The following KCNAB2 variants were observed in gnomAD, a reference collection of about 807,000 sequenced individuals.
KCNAB2 encodes voltage-gated potassium channel subunit beta-2.
In KCNAB2, 29 loss-of-function variants were observed where a neutral mutation model predicts 63.6. The observed-to-expected ratio is 0.46, with a 90% confidence interval of 0.34 to 0.62. The LOEUF (loss-of-function observed/expected upper bound fraction) is 0.62, where lower values mean the gene tolerates loss of function less well. Ranked by LOEUF, KCNAB2 falls within the 20% of genes least tolerant of loss-of-function variation. The probability of loss-of-function intolerance (pLI) is 0.01; values close to 1 mark genes in which losing one functional copy is unlikely to be tolerated. For synonymous variants in KCNAB2, 222 were observed against 224.2 expected, an observed-to-expected ratio of 0.99 and a Z score of 0.09; for missense variants, 359 against 563.9, an observed-to-expected ratio of 0.64 and a Z score of 3.68.
chr1:6,077,536 T>C lies in KCNAB2; in HGVS notation c.300+3766T>C, dbSNP rs868664700. Among the ~76,000 whole-genome samples the C allele has an allele frequency of 7.2e-5, 11 of 152,330 alleles. No individual in the cohort carries two copies. The Middle Eastern group carries it at 0.02, about 283-fold the overall frequency. ...GGTTGGTGTCTGCAGTGCCGGACCC[T>C]GCTGATCCGGCTGTCTGCACGCCTT... On this transcript the variant is annotated intron_variant, in intron 4 of 15. Coordinates refer to ENST00000378083, the MANE Select transcript of KCNAB2 (RefSeq NM_001199862.2).
At chr1:6,008,289 A>G (rs1452745801) in intron 1 of KCNAB2, among the ~76,000 whole-genome samples, 1 of 152,082 alleles carries the variant, frequency 6.6e-6, no homozygotes, top group Non-Finnish European at 1.5e-5. Context: ...GCCAGCATCC[A>G]GGACAGGCTT....
chr1:6,066,267 T>C (rs565999628), intron 2 of KCNAB2, among the ~76,000 whole-genome samples: 1 of 152,218 alleles, frequency 6.6e-6, no homozygotes, highest in South Asian at 2.1e-4. Flanking sequence ...CAGCAAAGGA[T>C]GAAATATAGG....
chr1:6,098,672 A>G lies in KCNAB2; in HGVS notation c.*98A>G. On this transcript the variant is annotated 3_prime_UTR_variant, in exon 16 of 16. Coordinates refer to ENST00000378083, the MANE Select transcript of KCNAB2 (RefSeq NM_001199862.2). ...AAGCCAAGTGAAGAGTGTGGTTTGC[A>G]TCCAAGAGAAAACACCACACTGTGA... 6.9e-7 allele frequency: 1 copy of G among 1,448,304 alleles called. No homozygotes were observed. Among genetic ancestry groups the G allele is most frequent in the Non-Finnish European group, 9.4e-7 (1 of 1,064,444 alleles). 89.7% of individuals were successfully genotyped at this position (1,448,304 alleles called of 1,614,324 possible). A position where few individuals can be genotyped will look rare whatever the true frequency, so the allele number is the denominator to read the frequency against.
intron 6 of KCNAB2, chr1:6,085,988 C>T: frequency 1.0e-6 from 1 of 985,510 alleles, no homozygotes; most frequent in Non-Finnish European, 1.2e-6. Context: ...CCTTCTCTCC[C>T]AGGAGCCTAT....
At chr1:6,041,765 C>A, upstream of KCNAB2, 1 of 1,435,996 alleles carries the variant, frequency 7.0e-7, no homozygotes, top group Non-Finnish European at 9.8e-7. Flanking sequence ...GGGGTTGATG[C>A]CAACTGTGGA....
chr1:6,023,015 T>C (rs1039798695), intron 1 of KCNAB2, among the ~76,000 whole-genome samples: 2 of 151,810 alleles, frequency 1.3e-5, no homozygotes, highest in Admixed American at 6.6e-5. Flanking sequence ...CCTGAGCAGC[T>C]GGGATTACAG....
At chr1:6,002,468 G>A (rs1035603472) in intron 1 of KCNAB2, among the ~76,000 whole-genome samples, 10 of 152,374 alleles carry the variant, frequency 6.6e-5, no homozygotes, top group East Asian at 3.9e-4. Flanking sequence ...GCTGTGGCCT[G>A]AGCTGGCATC....
At chr1:5,999,190 G>A (rs1038240364) in intron 1 of KCNAB2, among the ~76,000 whole-genome samples, 3 of 152,242 alleles carry the variant, frequency 2.0e-5, no homozygotes, top group Non-Finnish European at 4.4e-5. Context: ...GGTTGGCTGC[G>A]TAGTGCTTTA....
At chr1:6,064,458 C>T (rs1283716206) in intron 2 of KCNAB2, among the ~76,000 whole-genome samples, 1 of 152,176 alleles carries the variant, frequency 6.6e-6, no homozygotes, top group Non-Finnish European at 1.5e-5. Flanking sequence ...TGAGCAAATT[C>T]CATCTTGGCC....
intron 1 of KCNAB2, among the ~76,000 whole-genome samples, chr1:6,014,840 C>T (rs963169667): frequency 6.6e-6 from 1 of 152,144 alleles, no homozygotes; most frequent in African/African-American, 2.4e-5. Flanking sequence ...CAGAAGTTTC[C>T]TCTTTGACCT....
At chr1:6,064,881 T>TAA (rs970750737) in intron 2 of KCNAB2, among the ~76,000 whole-genome samples, 108 of 152,190 alleles carry the variant, frequency 7.1e-4, no homozygotes, top group African/African-American at 2.5e-3. Context: ...GAGGATGAAG[T>TAA]AAAGTAGGGC....
chr1:6,060,639 C>T (rs1040308599), intron 2 of KCNAB2, among the ~76,000 whole-genome samples: 4 of 152,174 alleles, frequency 2.6e-5, no homozygotes, highest in South Asian at 4.1e-4. Flanking sequence ...TGGTGGCTCA[C>T]GCCTGCAATC....
In KCNAB2 at chr1:6,066,557, C is replaced by T. The variant is rs566090695; in HGVS notation, c.219-6198C>T. ...CTGCCTCTGTTTTCTTTCTGAGGGT[C>T]GTTTACAATAGCCAAGCCACCAATG... On this transcript the variant is annotated intron_variant, in intron 2 of 15. Transcript: ENST00000378083. Among the ~76,000 whole-genome samples, 8 of 152,298 alleles carry T rather than the reference C, an allele frequency of 5.3e-5. No homozygotes were observed. In the South Asian group the frequency reaches 1.0e-3, roughly 20 times the overall value.
rs1007638479 is a variant in KCNAB2, at chr1:6,100,060, C to T, written c.*1486C>T. 5.4e-6 allele frequency: 8 copies of T among 1,493,032 alleles called. No individual in the cohort carries two copies. The African/African-American group carries it at 7.0e-5, about 13-fold the overall frequency. The allele number at this position is 1,493,032 out of a possible 1,614,324, so 92.5% of individuals were successfully genotyped here. On this transcript the variant is annotated 3_prime_UTR_variant, in exon 16 of 16. Coordinates refer to ENST00000378083, the MANE Select transcript of KCNAB2 (RefSeq NM_001199862.2). The stretch of plus-strand genomic sequence containing the variant: ...GTGTCTCCTGCCCCCAGGGCGCACC[C>T]TCAGTGCAGGCACCTCTGTTCCCGC...
intron 1 of KCNAB2, among the ~76,000 whole-genome samples, chr1:5,997,608 T>A (rs924547497): frequency 1.3e-5 from 2 of 152,184 alleles, no homozygotes; most frequent in Non-Finnish European, 2.9e-5. Flanking sequence ...GGCAGCTTCA[T>A]GATCTTTCAT....
chr1:6,005,924 C>A lies in KCNAB2; in HGVS notation c.-53+13136C>A, dbSNP rs1195772628. On this transcript the variant is annotated intron_variant, in intron 1 of 16. Coordinates refer to the KCNAB2 transcript ENST00000341524. ...ACCCCTCAGCTCAGCTCCCACATCCCCCCACTCCACCCTCACCCCTCAGCT... is the reference window on the plus strand; with the variant it reads ...ACCCCTCAGCTCAGCTCCCACATCCACCCACTCCACCCTCACCCCTCAGCT... 1.9e-3 allele frequency among the ~76,000 whole-genome samples: 243 copies of A among 127,428 alleles called. 3 individuals carry two copies. Among genetic ancestry groups the A allele is most frequent in the Middle Eastern group, 7.6e-3 (2 of 264 alleles). The allele number at this position is 127,428 out of a possible 152,430, so 83.6% of individuals were successfully genotyped here. A position where few individuals can be genotyped will look rare whatever the true frequency, so the allele number is the denominator to read the frequency against.
Position 6,094,442 on chromosome 1 carries a change from C to T in KCNAB2, c.689C>T (p.Ala230Val). The T allele has an allele frequency of 1.2e-6, 2 of 1,611,974 alleles. No homozygotes were observed. Among genetic ancestry groups the T allele is most frequent in the Non-Finnish European group, 8.5e-7 (1 of 1,179,532 alleles). Reference sequence around the variant, plus strand: ...ACCCACGTCATCAACCAGGGGATGGCCATGTACTGGGGCACGTCACGCTGG... The same window carrying T: ...ACCCACGTCATCAACCAGGGGATGGTCATGTACTGGGGCACGTCACGCTGG... Reference protein sequence around the residue: ...AMTHVINQGMAMYWGTSRWSS... With the variant: ...AMTHVINQGMVMYWGTSRWSS... Residue 230 changes from alanine to valine, a missense_variant, in exon 11 of 16, where the codon GCC becomes GTC. Ala to Val is a moderately conservative substitution (Grantham distance 64, BLOSUM62 0). Around this residue, in one of 2 missense-constraint regions of KCNAB2, gnomAD observed 271 missense variants for 476.1 expected, o/e 0.57. Transcript: ENST00000378083.
intron 1 of KCNAB2, among the ~76,000 whole-genome samples, chr1:5,998,672 G>A (rs1165856232): frequency 1.3e-5 from 2 of 152,212 alleles, no homozygotes; most frequent in Admixed American, 6.5e-5. Flanking sequence ...TGCATCCGGT[G>A]GGCCAGCTGC....
upstream of KCNAB2, among the ~76,000 whole-genome samples, chr1:6,044,377 G>A (rs140196423): frequency 1.6e-3 from 238 of 152,320 alleles, 1 homozygote; most frequent in African/African-American, 5.6e-3. Context: ...GAGCCAAGAA[G>A]ACTTCACGGA....
Sources: gnomAD v4.1 joint callset for allele counts (sites outside exome capture counted in the v4.1 genomes callset) on GRCh38, gnomAD v4.1.1 for gene constraint, gnomAD v4.1.1 regional missense constraint, MANE v1.5 for transcripts, NCBI Gene and HGNC (gene_info 2026-07-23, HGNC 2026-07-21) for gene names.